The following MAP3K13 variants were observed in gnomAD, a reference collection of about 807,000 sequenced individuals.
The protein encoded by MAP3K13 is leucine zipper-bearing kinase.
Under a neutral mutation model 104.0 loss-of-function variants are expected in MAP3K13, and 52 were observed. The ratio of observed to expected loss-of-function variants is 0.50; its 90% CI spans 0.40 to 0.63. The LOEUF (loss-of-function observed/expected upper bound fraction) is 0.63. MAP3K13 is among the 20% of genes least tolerant of loss of function. The pLI, the probability that MAP3K13 is intolerant of heterozygous loss-of-function variation, is 0.00. For synonymous variants in MAP3K13, 394 were observed against 442.2 expected (o/e 0.89, Z 1.37); for missense variants, 914 against 1,218.5 (o/e 0.75, Z 3.72).
At chr3:185,283,615 G>A in intron 1 of MAP3K13, among the ~76,000 whole-genome samples, 1 of 152,196 alleles carries the variant, frequency 6.6e-6, no homozygotes, top group East Asian at 1.9e-4. Context: ...TTATGAGGAT[G>A]CTGGTGCAGG....
At chr3:185,285,960 G>A (rs1720494391) in intron 2 of MAP3K13, among the ~76,000 whole-genome samples, 1 of 151,986 alleles carries the variant, frequency 6.6e-6, no homozygotes, top group Non-Finnish European at 1.5e-5. Context: ...TGTGGATCCC[G>A]TGTAGAAATG....
upstream of MAP3K13, chr3:185,362,930 A>AAC (rs772942357): frequency 0.065 from 8,628 of 132,422 alleles, 509 homozygotes; most frequent in East Asian, 0.25. Flanking sequence ...CACAGCTTGA[A>AAC]ACACACACAC....
intron 2 of MAP3K13, among the ~76,000 whole-genome samples, chr3:185,334,449 G>A (rs1264315191): frequency 6.6e-6 from 1 of 152,044 alleles, no homozygotes; most frequent in Non-Finnish European, 1.5e-5. Flanking sequence ...GTGTGATATT[G>A]CCTTGAGGAC....
At chr3:185,318,306 A>T in intron 2 of MAP3K13, among the ~76,000 whole-genome samples, 1 of 152,244 alleles carries the variant, frequency 6.6e-6, no homozygotes, top group Non-Finnish European at 1.5e-5. Context: ...CAGTTGAAAC[A>T]TACCAAGTTC....
chr3:185,337,278 C>G (rs192541376), intron 2 of MAP3K13, among the ~76,000 whole-genome samples: 16 of 152,212 alleles, frequency 1.1e-4, no homozygotes, highest in Admixed American at 9.2e-4. Context: ...TGTGATGAAT[C>G]CTGGTAAAAT....
intron 2 of MAP3K13, among the ~76,000 whole-genome samples, chr3:185,341,272 T>C (rs887919707): frequency 3.3e-5 from 5 of 151,884 alleles, no homozygotes; most frequent in African/African-American, 1.2e-4. Flanking sequence ...CACAGAGAAA[T>C]ATATAGAGAA....
chr3:185,404,686 C>CCTG (rs1713008764), intron 1 of MAP3K13, among the ~76,000 whole-genome samples: 1 of 152,136 alleles, frequency 6.6e-6, no homozygotes, highest in African/African-American at 2.4e-5. Context: ...AAGTGATTCT[C>CCTG]CTGCCTCAAC....
chr3:185,371,193 A>C (rs1724141818), intron 1 of MAP3K13, among the ~76,000 whole-genome samples: 1 of 151,274 alleles, frequency 6.6e-6, no homozygotes, highest in African/African-American at 2.4e-5. Context: ...AAAACAAAAA[A>C]CTCCCTTTTC....
chr3:185,480,129 A>C, intron 12 of MAP3K13, 103 bp from the exon 13 acceptor site: 1 of 1,135,078 alleles, frequency 8.8e-7, no homozygotes, highest in Admixed American at 2.2e-5. Flanking sequence ...CCTTGATGGC[A>C]GGGAAAAAAC....
intron 2 of MAP3K13, among the ~76,000 whole-genome samples, chr3:185,345,665 C>T (rs142303611): frequency 1.9e-3 from 289 of 152,258 alleles, no homozygotes; most frequent in African/African-American, 6.6e-3. Flanking sequence ...TCATTGTCTC[C>T]CATCACCTCC....
At chr3:185,285,372 C>A (rs1255697604) in intron 1 of MAP3K13, 1 of 374,386 alleles carries the variant, frequency 2.7e-6, no homozygotes, top group Non-Finnish European at 4.9e-6. Flanking sequence ...ACCTCAGTCT[C>A]CTGTTCAGTG....
chr3:185,460,903 C>T (rs1278631687), intron 7 of MAP3K13, among the ~76,000 whole-genome samples: 1 of 152,150 alleles, frequency 6.6e-6, no homozygotes, highest in Non-Finnish European at 1.5e-5. Flanking sequence ...ATATAAAATT[C>T]CTCACCACCA....
intron 2 of MAP3K13, among the ~76,000 whole-genome samples, chr3:185,342,566 A>AT (rs2108721918): frequency 6.6e-6 from 1 of 152,328 alleles, no homozygotes; most frequent in African/African-American, 2.4e-5. Flanking sequence ...TAGGTCTATA[A>AT]ATCATGCTTG....
intron 7 of MAP3K13, among the ~76,000 whole-genome samples, chr3:185,452,930 A>T (rs1403744945): frequency 6.6e-6 from 1 of 152,170 alleles, no homozygotes; most frequent in Admixed American, 6.5e-5. Context: ...GCCAACCCAG[A>T]TTCTCGGGAT....
chr3:185,362,506 A>G (rs1723670544), upstream of MAP3K13, among the ~76,000 whole-genome samples: 1 of 152,174 alleles, frequency 6.6e-6, no homozygotes, highest in Non-Finnish European at 1.5e-5. Context: ...TTTCTTCCAT[A>G]TCCACTTTTG....
rs190487019 is a variant in MAP3K13, at chr3:185,387,569, C to T, written c.-86+24201C>T. Reference sequence around the variant, plus strand: ...TAAGAACACAAAATGGACTAAGACACCATATGATCACCTCAATAGATGCAG... The same window carrying T: ...TAAGAACACAAAATGGACTAAGACATCATATGATCACCTCAATAGATGCAG... On this transcript the variant is annotated intron_variant, in intron 1 of 13. Coordinates refer to ENST00000265026, the MANE Select transcript of MAP3K13 (RefSeq NM_004721.5). Among the ~76,000 whole-genome samples the T allele has an allele frequency of 6.2e-4, 95 of 152,180 alleles. 1 individual carries two copies. In the East Asian group the frequency reaches 0.018, roughly 28 times the overall value.
intron 1 of MAP3K13, among the ~76,000 whole-genome samples, chr3:185,422,540 CAT>C (rs540753596): frequency 1.6e-4 from 24 of 152,292 alleles, no homozygotes; most frequent in African/African-American, 3.4e-4. Flanking sequence ...ACAAAACAAA[CAT>C]GTGTTTTTCT....
At chr3:185,294,151 C>T (rs1002890973) in intron 2 of MAP3K13, among the ~76,000 whole-genome samples, 1 of 152,028 alleles carries the variant, frequency 6.6e-6, no homozygotes. Context: ...AAAGAAAATG[C>T]CATTTCTTTT....
At chr3:185,469,716 T>A (rs990071259) in intron 10 of MAP3K13, among the ~76,000 whole-genome samples, 3 of 152,228 alleles carry the variant, frequency 2.0e-5, no homozygotes, top group Non-Finnish European at 2.9e-5. Context: ...TTTAGCATCA[T>A]CTGAGAGCTT....
Sources: allele counts gnomAD v4.1 joint callset (sites outside exome capture counted in the v4.1 genomes callset), GRCh38; gene constraint gnomAD v4.1.1; transcripts MANE v1.5; gene names NCBI Gene and HGNC (gene_info 2026-07-23, HGNC 2026-07-21).